Variants in VNN1 observed in about 807,000 individuals in gnomAD.
VNN1 encodes the protein vanin 1.
A neutral mutation model predicts 41.9 loss-of-function variants in VNN1; 29 were observed. The ratio of observed to expected loss-of-function variants is 0.69; its 90% CI spans 0.52 to 0.94. The LOEUF is 0.94. Among genes scored for constraint, VNN1 ranks in the 40% least tolerant of loss-of-function variants. The pLI is 0.00. For missense variants in VNN1, 637 were observed against 621.1 expected, an observed-to-expected ratio of 1.03 and a Z score of -0.27; for synonymous variants, 233 against 224.4, an observed-to-expected ratio of 1.04 and a Z score of -0.34.
chr6:132,702,265 G>A (rs1263357436), intron 2 of VNN1, among the ~76,000 whole-genome samples: 1 of 152,210 alleles, frequency 6.6e-6, no homozygotes, highest in Non-Finnish European at 1.5e-5. Flanking sequence ...AGCCTGTTGT[G>A]AACTGTGCAT....
chr6:132,689,008 C>A (rs1778244448), intron 5 of VNN1, among the ~76,000 whole-genome samples: 1 of 152,160 alleles, frequency 6.6e-6, no homozygotes, highest in African/African-American at 2.4e-5. Context: ...CCTGTCTCAG[C>A]CTTCCAAGTA....
chr6:132,684,245 T>G lies in VNN1; in HGVS notation c.1359+90A>C, dbSNP rs536265156. 1.4e-4 allele frequency: 187 copies of G among 1,322,272 alleles called. No homozygotes were observed. In the African/African-American group the frequency reaches 2.4e-3, roughly 17 times the overall value. The allele number at this position is 1,322,272 out of a possible 1,614,324, so 81.9% of individuals were successfully genotyped here. ...TCTTAACCTTTCTAAATGGAAATTTTATGATATTTGTAAGCACTTGAGCAG... is the reference window on the plus strand; with the variant it reads ...TCTTAACCTTTCTAAATGGAAATTTGATGATATTTGTAAGCACTTGAGCAG... On this transcript the variant is annotated intron_variant, in intron 6 of 6. Coordinates refer to ENST00000367928, the MANE Select transcript of VNN1 (RefSeq NM_004666.3).
At chr6:132,690,436 A>G (rs1202019178) in intron 5 of VNN1, among the ~76,000 whole-genome samples, 2 of 152,088 alleles carry the variant, frequency 1.3e-5, no homozygotes, top group African/African-American at 2.4e-5. Context: ...TCTTCACACC[A>G]CAAAGAATCC....
intron 2 of VNN1, among the ~76,000 whole-genome samples, chr6:132,709,218 TGATA>T (rs3063218): frequency 0.58 from 86,970 of 151,196 alleles, 27,581 homozygotes; most frequent in African/African-American, 0.85. Flanking sequence ...GATAGATAGA[TGATA>T]GATAGATAGA....
chr6:132,693,383 GA>G, intron 3 of VNN1, 68 bp from the exon 4 acceptor site: 1 of 1,432,422 alleles, frequency 7.0e-7, no homozygotes, highest in Non-Finnish European at 9.3e-7. Context: ...CACAGTGTGG[GA>G]AAAAGTACAA....
chr6:132,711,870 G>T, intron 1 of VNN1, 31 bp from the exon 2 acceptor site: 2 of 1,609,984 alleles, frequency 1.2e-6, no homozygotes, highest in Admixed American at 3.4e-5. Flanking sequence ...TCCAAAGGGG[G>T]GCCTGCAAGA....
Position 132,694,084 on chromosome 6 carries a change from G to T in VNN1, c.440C>A (p.Thr147Asn), listed in dbSNP as rs373029658. 34 of 1,614,018 alleles carry T rather than the reference G, an allele frequency of 2.1e-5. No individual in the cohort carries two copies. In the African/African-American group the frequency reaches 4.0e-4, roughly 19 times the overall value. ...ATCAGGGGGACACTGAGGATCACTG[G>T]TATCGCATGGCTTCTTGTCCCCAAT... The part of the protein sequence containing the change: ...ANIGDKKPCD[T>N]SDPQCPPDGR... Residue 147 changes from threonine to asparagine, a missense_variant, in exon 3 of 7, where the codon ACC (threonine) becomes AAC (asparagine). By Grantham distance (65) the Thr-to-Asn change is moderately conservative (BLOSUM62 0). Transcript: ENST00000367928.
chr6:132,703,897 C>T (rs531213150), intron 2 of VNN1, among the ~76,000 whole-genome samples: 205 of 152,104 alleles, frequency 1.3e-3, no homozygotes, highest in Admixed American at 2.7e-3. Flanking sequence ...ACAAAAGGAG[C>T]AGGGGTAGCT....
chr6:132,705,564 C>G (rs1380727631), intron 2 of VNN1, among the ~76,000 whole-genome samples: 1 of 152,166 alleles, frequency 6.6e-6, no homozygotes. Context: ...TGGCTGGTAT[C>G]ATACTGAATG....
At chr6:132,709,546 T>G (rs1778566747) in intron 2 of VNN1, among the ~76,000 whole-genome samples, 1 of 151,874 alleles carries the variant, frequency 6.6e-6, no homozygotes, top group Non-Finnish European at 1.5e-5. Context: ...TGGCTCACAC[T>G]TGTCATCTTC....
chr6:132,685,947 A>T (rs1562213428), intron 5 of VNN1, among the ~76,000 whole-genome samples: 1 of 150,072 alleles, frequency 6.7e-6, no homozygotes, highest in East Asian at 2.0e-4. Context: ...TTCCCCCTCC[A>T]CCCCCACCCA....
At chr6:132,707,071 A>G (rs1227272268) in intron 2 of VNN1, among the ~76,000 whole-genome samples, 1 of 151,946 alleles carries the variant, frequency 6.6e-6, no homozygotes, top group Non-Finnish European at 1.5e-5. Flanking sequence ...TACCAAAAAT[A>G]CAAAAATAGC....
chr6:132,692,552 C>T lies in VNN1; in HGVS notation c.859G>A (p.Ala287Thr), dbSNP rs774039498. The change falls in exon 5 of 7, where the codon GCA becomes ACA. Residue 287 changes from alanine (A) to threonine (T), a missense_variant. Physicochemically the swap from Ala to Thr is moderately conservative, Grantham distance 58. Coordinates refer to ENST00000367928, the MANE Select transcript of VNN1 (RefSeq NM_004666.3). ...TCTGTCTTCATATCATAATGAAATGCTCTTGAAGAATTGGGTGCATAGATG... is the reference window on the plus strand; with the variant it reads ...TCTGTCTTCATATCATAATGAAATGTTCTTGAAGAATTGGGTGCATAGATG... The part of the protein sequence containing the change: ...SGIYAPNSSR[A>T]FHYDMKTEEG... The T allele has an allele frequency of 8.1e-6, 13 of 1,598,158 alleles. No homozygotes were observed. The highest frequency in any genetic ancestry group is 3.4e-5 in the South Asian group (3 of 89,274).
Position 132,713,816 on chromosome 6 carries a change from G to A in VNN1, c.210+10C>T, listed in dbSNP as rs1014476029. 1 of 1,612,098 alleles carries A rather than the reference G, an allele frequency of 6.2e-7. No individual in the cohort carries two copies. Among genetic ancestry groups the A allele is most frequent in the Non-Finnish European group, 8.5e-7 (1 of 1,179,892 alleles). On this transcript the variant is annotated intron_variant, in intron 1 of 6. Coordinates refer to ENST00000367928, the MANE Select transcript of VNN1 (RefSeq NM_004666.3). ...AATCCAGTACACTGGAGAGATGGTA[G>A]AGATGGTACCTGATCTGCTGCTGAT...
Position 132,713,999 on chromosome 6 carries a change from G to A in VNN1, c.37C>T (p.Leu13Phe). 3 of 1,614,038 alleles carry A rather than the reference G, an allele frequency of 1.9e-6. No homozygotes were observed. The highest frequency in any genetic ancestry group is 2.5e-6 in the Non-Finnish European group (3 of 1,179,972). ...CAGCTGGCTCTTGAGACATAGAAAA[G>A]CAAAATTGCCACGTAAGCTGGCAAC... ...TQLPAYVAIL[L>F]FYVSRASCQD... The change falls in exon 1 of 7, where the codon CTT becomes TTT. Residue 13 changes from leucine to phenylalanine, a missense_variant. Physicochemically the swap from Leu to Phe is conservative, Grantham distance 22 (BLOSUM62 0). Transcript: ENST00000367928.
chr6:132,701,307 TATAA>T (rs1778446305), intron 2 of VNN1, among the ~76,000 whole-genome samples: 1 of 152,192 alleles, frequency 6.6e-6, no homozygotes, highest in Admixed American at 6.5e-5. Context: ...TTCTAGGCAG[TATAA>T]ATAGTTTCTT....
At chr6:132,686,869 A>G (rs926430548) in intron 5 of VNN1, among the ~76,000 whole-genome samples, 26 of 152,202 alleles carry the variant, frequency 1.7e-4, no homozygotes, top group African/African-American at 5.8e-4. Flanking sequence ...CAAAACAACA[A>G]TAAGTGTTGA....
intron 3 of VNN1, 39 bp downstream of exon 3, chr6:132,693,951 A>G (rs747114274): frequency 6.2e-7 from 1 of 1,604,996 alleles, no homozygotes; most frequent in Non-Finnish European, 8.5e-7. Flanking sequence ...TTATTTCATT[A>G]GGCATTAACT....
intron 5 of VNN1, among the ~76,000 whole-genome samples, chr6:132,688,096 T>C (rs56862727): frequency 0.033 from 5,038 of 152,180 alleles, 299 homozygotes; most frequent in African/African-American, 0.11. Flanking sequence ...AGTTAGACTA[T>C]GAAAAATTAT....
Sources: allele counts gnomAD v4.1 joint callset (sites outside exome capture counted in the v4.1 genomes callset), GRCh38; gene constraint gnomAD v4.1.1; transcripts MANE v1.5; gene names NCBI Gene and HGNC (gene_info 2026-07-23, HGNC 2026-07-21).